Variants in PCDHGA10 observed in about 807,000 individuals in gnomAD.
The protein encoded by PCDHGA10 is protocadherin gamma subfamily A, 10, also known as protocadherin gamma-A10.
A neutral mutation model predicts 59.5 loss-of-function variants in PCDHGA10; 42 were observed. That is an observed-to-expected ratio of 0.71 (90% confidence interval 0.55 to 0.91). PCDHGA10 has a LOEUF of 0.91. Ranked by LOEUF, PCDHGA10 falls within the 40% of genes least tolerant of loss-of-function variation. PCDHGA10 has a pLI of 0.00. For synonymous variants in PCDHGA10, 511 were observed against 517.2 expected (o/e 0.99, Z 0.16); for missense variants, 1,111 against 1,198.2 (o/e 0.93, Z 1.07).
In PCDHGA10 at chr5:141,413,182, G is replaced by C. The variant is rs752788034; in HGVS notation, c.7G>C (p.Ala3Pro). The change falls in exon 1 of 4, where the codon GCT (alanine) becomes CCT (proline). Residue 3 changes from alanine to proline, a missense_variant. By Grantham distance (27) the Ala-to-Pro change is conservative (BLOSUM62 -1). Transcript: ENST00000398610. ...ATTCTGTAACCAGACTACAATGGCCGCTCAAAGGAATCGCTCAAAGGAATC... is the reference window on the plus strand; with the variant it reads ...ATTCTGTAACCAGACTACAATGGCCCCTCAAAGGAATCGCTCAAAGGAATC... MA[A>P]QRNRSKESKD... 3.1e-6 allele frequency: 5 copies of C among 1,604,164 alleles called. No homozygotes were observed. In the South Asian group the frequency reaches 5.5e-5, roughly 18 times the overall value.
In PCDHGA10 at chr5:141,432,725, G is replaced by T; in HGVS notation, c.2436+17114G>T. The T allele has an allele frequency of 6.2e-7, 1 of 1,614,014 alleles. No individual in the cohort carries two copies. On this transcript the variant is annotated intron_variant, in intron 1 of 3. Coordinates refer to ENST00000398610, the MANE Select transcript of PCDHGA10 (RefSeq NM_018913.3). The surrounding 1 kb of genome is among the most constrained non-coding windows in gnomAD (Gnocchi z 6.0). ...GGACCACGGCCAGCCCCCTCTCTCC[G>T]CCACTGTCACGCTCACCGTGGCCGT...
At chr5:141,464,279 C>CAA (rs373828487) in intron 1 of PCDHGA10, among the ~76,000 whole-genome samples, 8,568 of 137,664 alleles carry the variant, frequency 0.062, 499 homozygotes, top group African/African-American at 0.16. Context: ...AAAAAAAAAG[C>CAA]AAAAAAAAAA....
chr5:141,491,823 C>T lies in PCDHGA10; in HGVS notation c.2437-2984C>T, dbSNP rs1242708273. On this transcript the variant is annotated intron_variant, in intron 1 of 3. Transcript: ENST00000398610. The surrounding 1 kb of genome is among the most constrained non-coding windows in gnomAD (Gnocchi z 6.9). ...GCCGGCTTGGTCGCTGGCTGCGCTC[C>T]ACCCGATTCTCGGGATCATTGGACC... The T allele has an allele frequency of 2.7e-6, 4 of 1,479,038 alleles. No homozygotes were observed. Among genetic ancestry groups the T allele is most frequent in the Non-Finnish European group, 3.6e-6 (4 of 1,115,300 alleles). 91.6% of individuals were successfully genotyped at this position (1,479,038 alleles called of 1,614,324 possible).
At chr5:141,422,344 C>A in intron 1 of PCDHGA10, 1 of 1,550,890 alleles carries the variant, frequency 6.4e-7, no homozygotes, top group Non-Finnish European at 8.7e-7. Flanking sequence ...TCTAAATGTG[C>A]AAGATCAAGA....
Position 141,487,243 on chromosome 5 carries a change from C to T in PCDHGA10, c.2437-7564C>T. 1 of 1,614,114 alleles carries T rather than the reference C, an allele frequency of 6.2e-7. No individual in the cohort carries two copies. The highest frequency in any genetic ancestry group is 8.5e-7 in the Non-Finnish European group (1 of 1,180,000). Reference sequence around the variant, plus strand: ...CAAGGGAAGGAGAATCTCGTCTAACCCTCTACTTGGCTGTGTCCCTAGTGG... The same window carrying T: ...CAAGGGAAGGAGAATCTCGTCTAACTCTCTACTTGGCTGTGTCCCTAGTGG... On this transcript the variant is annotated intron_variant, in intron 1 of 3. Coordinates refer to ENST00000398610, the MANE Select transcript of PCDHGA10 (RefSeq NM_018913.3). The surrounding 1 kb of genome is among the most constrained non-coding windows in gnomAD (Gnocchi z 5.0).
chr5:141,474,083 A>G (rs771906750), intron 1 of PCDHGA10, among the ~76,000 whole-genome samples: 2 of 152,190 alleles, frequency 1.3e-5, no homozygotes, highest in African/African-American at 2.4e-5. Flanking sequence ...AACAAAAACC[A>G]AAAAACAAAC....
rs2097372368 is a variant in PCDHGA10 at position 141,431,422 on chromosome 5, G to A, written c.2436+15811G>A. On this transcript the variant is annotated intron_variant, in intron 1 of 3. Coordinates refer to ENST00000398610, the MANE Select transcript of PCDHGA10 (RefSeq NM_018913.3). This position sits in a 1 kb window ranked among gnomAD's most constrained non-coding sequence, Gnocchi z 4.8. ...CGGCCTCCGACGGGGGCGACCCGGTGCGCACAGGCACCGCGCGCATCCGCG... is the reference window on the plus strand; with the variant it reads ...CGGCCTCCGACGGGGGCGACCCGGTACGCACAGGCACCGCGCGCATCCGCG... 6.2e-7 allele frequency: 1 copy of A among 1,613,710 alleles called. No individual in the cohort carries two copies. The highest frequency in any genetic ancestry group is 2.2e-5 in the East Asian group (1 of 44,882).
Position 141,485,337 on chromosome 5 carries a change from A to G in PCDHGA10, c.2437-9470A>G, listed in dbSNP as rs147409155. On this transcript the variant is annotated intron_variant, in intron 1 of 3. Transcript: ENST00000398610. The surrounding 1 kb of genome is among the most constrained non-coding windows in gnomAD (Gnocchi z 5.7). ...AATGTCGCTCAAGATTTCCTGCTGG[A>G]TACGGACAGTCTGTCAGCTCGCAGG... 4.3e-5 allele frequency: 70 copies of G among 1,614,012 alleles called. No individual in the cohort carries two copies. Among genetic ancestry groups the G allele is most frequent in the Non-Finnish European group, 5.7e-5 (67 of 1,180,016 alleles).
rs2095819214 is a variant in PCDHGA10, at chr5:141,415,045, G to A, written c.1870G>A (p.Gly624Arg). The stretch of plus-strand genomic sequence containing the variant: ...CAGCGAGCCGGGACTCTTCGCGGTG[G>A]GGGAGCACACGGGCGAGGTGCGCAC... ...KASEPGLFAV[G>R]EHTGEVRTAR... Residue 624 changes from glycine to arginine, a missense_variant, in exon 1 of 4, where the codon GGG becomes AGG. Coordinates refer to ENST00000398610, the MANE Select transcript of PCDHGA10 (RefSeq NM_018913.3). 1.4e-5 allele frequency: 23 copies of A among 1,613,538 alleles called. No homozygotes were observed. The highest frequency in any genetic ancestry group is 1.8e-5 in the Non-Finnish European group (21 of 1,179,962).
In PCDHGA10 at chr5:141,511,269, C is replaced by A; in HGVS notation, c.*96C>A. The A allele has an allele frequency of 1.3e-6, 2 of 1,546,672 alleles. No homozygotes were observed. Among genetic ancestry groups the A allele is most frequent in the Non-Finnish European group, 1.7e-6 (2 of 1,145,264 alleles). The stretch of plus-strand genomic sequence containing the variant: ...AGGCCTCAGAGTTTCAGGGCTAACC[C>A]CCAGAATACTGGTAGGGGCCAAGGC... On this transcript the variant is annotated 3_prime_UTR_variant, in exon 4 of 4. Transcript: ENST00000398610.
At chr5:141,436,331 T>A (rs919524287) in intron 1 of PCDHGA10, among the ~76,000 whole-genome samples, 1 of 152,198 alleles carries the variant, frequency 6.6e-6, no homozygotes, top group Non-Finnish European at 1.5e-5. Flanking sequence ...TTAGACCATA[T>A]CTCAAATATC....
chr5:141,430,637 G>A (rs2097298854), intron 1 of PCDHGA10: 1 of 890,676 alleles, frequency 1.1e-6, no homozygotes, highest in Admixed American at 2.8e-5. Context: ...ACCATCCCTG[G>A]GAGTATGTGG....
rs770249472 is a variant in PCDHGA10, at chr5:141,477,747, C to T, written c.2437-17060C>T. On this transcript the variant is annotated intron_variant, in intron 1 of 3. Transcript: ENST00000398610. The surrounding 1 kb of genome is among the most constrained non-coding windows in gnomAD (Gnocchi z 4.9). ...ACAGCTCATATCAGCGATGGGGGCA[C>T]CCCGGTCCTAGCCACCAACATCAGC... 6.2e-7 allele frequency: 1 copy of T among 1,613,840 alleles called. No individual in the cohort carries two copies. The highest frequency in any genetic ancestry group is 1.7e-5 in the Admixed American group (1 of 60,026).
intron 1 of PCDHGA10, chr5:141,418,787 G>A: frequency 6.2e-7 from 1 of 1,613,794 alleles, no homozygotes; most frequent in Non-Finnish European, 8.5e-7. Context: ...TTTGGATTTT[G>A]AAGAAGTAGA....
chr5:141,485,260 G>C lies in PCDHGA10; in HGVS notation c.2437-9547G>C. ...TTTACCACCTGGGTTACGTTTGTGG[G>C]CAGATCCGCTACCCGGTCCCAGAGG... is the stretch of plus-strand genomic sequence containing the variant. On this transcript the variant is annotated intron_variant, in intron 1 of 3. Transcript: ENST00000398610. The surrounding 1 kb of genome is among the most constrained non-coding windows in gnomAD (Gnocchi z 5.7). 1 of 1,614,122 alleles carries C rather than the reference G, an allele frequency of 6.2e-7. No homozygotes were observed. The highest frequency in any genetic ancestry group is 8.5e-7 in the Non-Finnish European group (1 of 1,179,966).
intron 1 of PCDHGA10, among the ~76,000 whole-genome samples, chr5:141,445,263 C>T (rs1170484721): frequency 1.3e-5 from 2 of 152,152 alleles, no homozygotes; most frequent in African/African-American, 2.4e-5. Context: ...GAATATAAGT[C>T]GAAACCACTC....
rs1381345965 is a variant in PCDHGA10, at chr5:141,414,744, C to T, written c.1569C>T (p.Ser523=). The T allele has an allele frequency of 6.2e-7, 1 of 1,614,210 alleles. No individual in the cohort carries two copies. The highest frequency in any genetic ancestry group is 8.5e-7 in the Non-Finnish European group (1 of 1,180,046). Reference sequence around the variant, plus strand: ...CTGGCGTCCTGTATGCACTCAGATCCTTCGACTATGAGCAGTTTCATGAGC... The same window carrying T: ...CTGGCGTCCTGTATGCACTCAGATCTTTCGACTATGAGCAGTTTCATGAGC... The part of the protein sequence containing the change: ...SDTGVLYALR[S]FDYEQFHELQ... The change falls in exon 1 of 4, where the codon TCC becomes TCT. Residue 523 remains serine, a synonymous_variant. Transcript: ENST00000398610.
rs1264759473 is a variant in PCDHGA10 at position 141,486,183 on chromosome 5, G to A, written c.2437-8624G>A. On this transcript the variant is annotated intron_variant, in intron 1 of 3. Transcript: ENST00000398610. The surrounding 1 kb of genome is among the most constrained non-coding windows in gnomAD (Gnocchi z 5.0). The stretch of plus-strand genomic sequence containing the variant: ...GCCATGGAGCAACATTGCAGCCTTC[G>A]AGTGGATCTGCTGGACGTAAATGAC... 3 of 1,614,154 alleles carry A rather than the reference G, an allele frequency of 1.9e-6. No homozygotes were observed. The highest frequency in any genetic ancestry group is 1.1e-5 in the South Asian group (1 of 91,082).
rs1230113440 is a variant in PCDHGA10 at position 141,414,909 on chromosome 5, C to T, written c.1734C>T (p.Gly578=). ...CCCTCCCCACAGACGGTTCCACAGG[C>T]GTGGAGCTGGCGCCCCGCTCCGCAG... ...YPALPTDGST[G]VELAPRSAEP... is the part of the protein sequence containing the mutation. The change falls in exon 1 of 4, where the codon GGC becomes GGT. Residue 578 remains glycine (G), a synonymous_variant. Transcript: ENST00000398610. 6.2e-6 allele frequency: 10 copies of T among 1,614,102 alleles called. No homozygotes were observed. Among genetic ancestry groups the T allele is most frequent in the Admixed American group, 1.7e-5 (1 of 60,012 alleles).
Sources: gnomAD v4.1 joint callset for allele counts (sites outside exome capture counted in the v4.1 genomes callset) on GRCh38, gnomAD v4.1.1 for gene constraint, Gnocchi (gnomAD v3.1) non-coding constraint, MANE v1.5 for transcripts, NCBI Gene and HGNC (gene_info 2026-07-23, HGNC 2026-07-21) for gene names.